MBNL2: variants seen among roughly 807,000 people sequenced by gnomAD.
The protein encoded by MBNL2 is muscleblind like splicing regulator 2, also known as muscleblind-like protein 2.
In MBNL2, 17 loss-of-function variants were observed where a neutral mutation model predicts 41.9. The ratio of observed to expected loss-of-function variants is 0.41; its 90% confidence interval spans 0.28 to 0.61. The LOEUF (loss-of-function observed/expected upper bound fraction) is 0.61, where lower values mean the gene tolerates loss of function less well. MBNL2 is among the 20% of genes least tolerant of loss of function. The probability of loss-of-function intolerance (pLI) is 0.35; values close to 1 mark genes in which losing one functional copy is unlikely to be tolerated. For missense variants in MBNL2, 336 were observed against 505.6 expected, an observed-to-expected ratio of 0.66 and a Z score of 3.22; for synonymous variants, 195 against 182.9, an observed-to-expected ratio of 1.07 and a Z score of -0.53.
chr13:97,378,241 C>T (rs2065135835), intron 8 of MBNL2, among the ~76,000 whole-genome samples: 1 of 146,206 alleles, frequency 6.8e-6, no homozygotes, highest in South Asian at 2.2e-4. Flanking sequence ...TCCCCAAGCA[C>T]TTGTTAAATA....
the MBNL2 span, among the ~76,000 whole-genome samples, chr13:97,212,081 A>C: frequency 1.3e-5 from 2 of 152,184 alleles, no homozygotes; most frequent in African/African-American, 4.8e-5. Flanking sequence ...AAAGACAGGC[A>C]GAAGCCACCG....
At chr13:97,322,347 A>G (rs906441873) in intron 2 of MBNL2, among the ~76,000 whole-genome samples, 1 of 152,138 alleles carries the variant, frequency 6.6e-6, no homozygotes, top group Non-Finnish European at 1.5e-5. Context: ...GTCTTTCCTG[A>G]GACATCAAGT....
intron 1 of MBNL2, among the ~76,000 whole-genome samples, chr13:97,263,219 C>T (rs2048995288): frequency 3.3e-5 from 5 of 152,176 alleles, no homozygotes; most frequent in Admixed American, 2.6e-4. Flanking sequence ...TAATTTTTGA[C>T]CTTTCTGCTC....
At chr13:97,242,693 G>C (rs1043087544) in intron 1 of MBNL2, among the ~76,000 whole-genome samples, 2 of 151,916 alleles carry the variant, frequency 1.3e-5, no homozygotes, top group Non-Finnish European at 2.9e-5. Flanking sequence ...GGTCCCGGGA[G>C]CCCCCCGGGG....
chr13:97,253,960 G>A (rs564012400), intron 1 of MBNL2, among the ~76,000 whole-genome samples: 3 of 151,798 alleles, frequency 2.0e-5, no homozygotes, highest in Admixed American at 2.0e-4. Context: ...CATGATCTTC[G>A]CTCACTGCAA....
chr13:97,326,162 G>A (rs996181109), intron 2 of MBNL2, among the ~76,000 whole-genome samples: 1 of 152,214 alleles, frequency 6.6e-6, no homozygotes, highest in Non-Finnish European at 1.5e-5. Flanking sequence ...GAAAGAAAAT[G>A]CAAACTGATT....
the MBNL2 span, among the ~76,000 whole-genome samples, chr13:97,152,082 C>T: frequency 8.5e-5 from 13 of 152,164 alleles, no homozygotes; most frequent in African/African-American, 3.1e-4. Flanking sequence ...AAAGACAATG[C>T]AGTGAGAACA....
chr13:97,272,623 A>G (rs987445110), intron 1 of MBNL2, among the ~76,000 whole-genome samples: 3 of 152,118 alleles, frequency 2.0e-5, no homozygotes, highest in African/African-American at 7.2e-5. Context: ...TTTTTGTATA[A>G]GGTGTAAGGC....
At chr13:97,362,072 A>G (rs1011683190) in intron 7 of MBNL2, among the ~76,000 whole-genome samples, 1 of 151,922 alleles carries the variant, frequency 6.6e-6, no homozygotes, top group African/African-American at 2.4e-5. Context: ...GTGCCCAGCC[A>G]TTTTTTTATG....
chr13:97,353,512 G>A (rs971644721), intron 5 of MBNL2, among the ~76,000 whole-genome samples: 4 of 152,182 alleles, frequency 2.6e-5, no homozygotes, highest in South Asian at 2.1e-4. Context: ...TTTCCAGGGT[G>A]AAATTTTTAT....
chr13:97,311,046 A>G (rs2058563156), intron 2 of MBNL2, among the ~76,000 whole-genome samples: 1 of 152,232 alleles, frequency 6.6e-6, no homozygotes, highest in South Asian at 2.1e-4. Flanking sequence ...TTCAAGACAC[A>G]TTAAAAGCCA....
At chr13:97,339,802 C>G (rs1478943710) in intron 3 of MBNL2, among the ~76,000 whole-genome samples, 1 of 149,364 alleles carries the variant, frequency 6.7e-6, no homozygotes, top group African/African-American at 2.5e-5. Flanking sequence ...GGGTCGTGTT[C>G]CTGTGCAACT....
chr13:97,282,084 G>A (rs1293670496), intron 2 of MBNL2, among the ~76,000 whole-genome samples: 5 of 152,112 alleles, frequency 3.3e-5, no homozygotes, highest in African/African-American at 1.2e-4. Flanking sequence ...AAGTGCAGTG[G>A]CTCACACCTG....
At chr13:97,146,964 C>A in the MBNL2 span, among the ~76,000 whole-genome samples, 15 of 152,184 alleles carry the variant, frequency 9.9e-5, no homozygotes, top group Non-Finnish European at 1.9e-4. Context: ...CCACAGCAGA[C>A]CTCTTTTTGT....
At chr13:97,374,062 C>CCTTTTTTTTT (rs1594284568) in intron 8 of MBNL2, among the ~76,000 whole-genome samples, 4 of 53,392 alleles carry the variant, frequency 7.5e-5, no homozygotes, top group Admixed American at 2.2e-4. Context: ...TCCTCCTTTG[C>CCTTTTTTTTT]ATTTTTTTTT....
At chr13:97,305,364 C>T (rs2058030873) in intron 2 of MBNL2, among the ~76,000 whole-genome samples, 2 of 152,180 alleles carry the variant, frequency 1.3e-5, no homozygotes, top group African/African-American at 4.8e-5. Context: ...ACACATGTAT[C>T]AGATGATATG....
chr13:97,234,877 C>G (rs1057457767), intron 1 of MBNL2, among the ~76,000 whole-genome samples: 5 of 152,238 alleles, frequency 3.3e-5, no homozygotes, highest in Admixed American at 1.3e-4. Context: ...CTCTGCGGCT[C>G]TCAGCAGCTT....
At chr13:97,283,901 GGA>G (rs555036233) in intron 2 of MBNL2, among the ~76,000 whole-genome samples, 53 of 152,286 alleles carry the variant, frequency 3.5e-4, no homozygotes, top group African/African-American at 1.3e-3. Context: ...AGTGAGCAAA[GGA>G]GTGAGGATTT....
chr13:97,348,157 T>C (rs946728549), intron 5 of MBNL2, among the ~76,000 whole-genome samples: 10 of 150,364 alleles, frequency 6.7e-5, no homozygotes, highest in Admixed American at 2.7e-4. Context: ...TCACTGTAGC[T>C]TTAAACTCCT....
Sources: gnomAD v4.1 joint callset for allele counts (sites outside exome capture counted in the v4.1 genomes callset) on GRCh38, gnomAD v4.1.1 for gene constraint, MANE v1.5 for transcripts, NCBI Gene and HGNC (gene_info 2026-07-23, HGNC 2026-07-21) for gene names.